ITSN2: variants seen among roughly 807,000 people sequenced by gnomAD.
The protein encoded by ITSN2 is intersectin-2.
A neutral mutation model predicts 243.7 loss-of-function variants in ITSN2; 156 were observed. That is an observed-to-expected ratio of 0.64 (90% CI 0.56 to 0.73). The LOEUF is 0.73. Ranked by LOEUF, ITSN2 falls within the 30% of genes least tolerant of loss-of-function variation. The pLI, the probability that ITSN2 is intolerant of heterozygous loss-of-function variation, is 0.00. For missense variants in ITSN2, 1,801 were observed against 1,996.1 expected (o/e 0.90, Z 1.86); for synonymous variants, 703 against 699.9 (o/e 1.00, Z -0.07).
intron 29 of ITSN2, chr2:24,239,046 C>T (rs940054570): frequency 5.2e-5 from 8 of 152,400 alleles, no homozygotes; most frequent in African/African-American, 1.9e-4. Flanking sequence ...ATCTCAATAC[C>T]TTTAATACTA....
rs558931486 is a variant in ITSN2 at position 24,249,097 on chromosome 2, C to T, written c.3121-215G>A. Reference sequence around the variant, plus strand: ...GTCTGCTAATGTAATACATTATATACGAGTGGCTGTCATCGTCAACCATTG... The same window carrying T: ...GTCTGCTAATGTAATACATTATATATGAGTGGCTGTCATCGTCAACCATTG... On this transcript the variant is annotated intron_variant, in intron 25 of 39. Transcript: ENST00000355123. The surrounding 1 kb of genome is among the most constrained non-coding windows in gnomAD (Gnocchi z 4.4). 1.3e-5 allele frequency among the ~76,000 whole-genome samples: 2 copies of T among 152,204 alleles called. No homozygotes were observed. The highest frequency in any genetic ancestry group is 1.9e-4 in the East Asian group (1 of 5,178).
chr2:24,348,354 T>C (rs1370309930), intron 1 of ITSN2, among the ~76,000 whole-genome samples: 1 of 152,014 alleles, frequency 6.6e-6, no homozygotes, highest in Non-Finnish European at 1.5e-5. Context: ...TTTTGTACTT[T>C]TTGTAGAGAC....
chr2:24,323,841 A>G (rs938154519), intron 2 of ITSN2, among the ~76,000 whole-genome samples: 3 of 152,218 alleles, frequency 2.0e-5, no homozygotes, highest in Non-Finnish European at 1.5e-5. Flanking sequence ...AAGAAGTCAG[A>G]GCATTCAAAT....
intron 8 of ITSN2, among the ~76,000 whole-genome samples, chr2:24,305,874 G>A (rs563426057): frequency 6.6e-6 from 1 of 152,240 alleles, no homozygotes; most frequent in South Asian, 2.1e-4. Flanking sequence ...CCCCACAGTT[G>A]GCTCCCCATT....
chr2:24,292,176 A>G (rs1680339083), intron 15 of ITSN2, among the ~76,000 whole-genome samples: 1 of 152,176 alleles, frequency 6.6e-6, no homozygotes, highest in African/African-American at 2.4e-5. Context: ...GCCCAAACAA[A>G]AGCTTCCTAT....
intron 1 of ITSN2, chr2:24,335,216 T>C (rs1686236878): frequency 6.2e-6 from 1 of 162,014 alleles, no homozygotes; most frequent in South Asian, 1.6e-4. Flanking sequence ...AAAATAATAA[T>C]TACAATTATC....
chr2:24,315,678 G>T (rs1010179584), intron 2 of ITSN2, among the ~76,000 whole-genome samples: 2 of 152,092 alleles, frequency 1.3e-5, no homozygotes, highest in Admixed American at 6.6e-5. Context: ...CTGGATCATG[G>T]GAGTTGATTT....
At chr2:24,354,322 T>C (rs1367669689) in intron 1 of ITSN2, among the ~76,000 whole-genome samples, 4 of 152,260 alleles carry the variant, frequency 2.6e-5, no homozygotes, top group Non-Finnish European at 4.4e-5. Flanking sequence ...CCCAGTGGGA[T>C]TGTGGGTCTG....
In ITSN2 at chr2:24,204,130, G is replaced by A; in HGVS notation, c.4936+115C>T. 1 of 1,029,442 alleles carries A rather than the reference G, an allele frequency of 9.7e-7. No individual in the cohort carries two copies. The highest frequency in any genetic ancestry group is 1.5e-6 in the Non-Finnish European group (1 of 685,112). 63.8% of individuals were successfully genotyped at this position (1,029,442 alleles called of 1,614,324 possible). On this transcript the variant is annotated intron_variant, in intron 39 of 39. Transcript: ENST00000355123. The surrounding 1 kb of genome is among the most constrained non-coding windows in gnomAD (Gnocchi z 5.1). ...TGCCAAAGCGAGATGACACAGGCCT[G>A]TGTCACTTCCCTGAAGTGGCATGGG...
At chr2:24,290,224 T>G (rs181590024) in intron 15 of ITSN2, among the ~76,000 whole-genome samples, 2 of 152,212 alleles carry the variant, frequency 1.3e-5, no homozygotes, top group African/African-American at 2.4e-5. Flanking sequence ...TATTGGATAT[T>G]ATCAATCTTT....
At chr2:24,325,233 ACC>A (rs1251866131) in intron 2 of ITSN2, among the ~76,000 whole-genome samples, 1 of 151,796 alleles carries the variant, frequency 6.6e-6, no homozygotes, top group Admixed American at 6.6e-5. Flanking sequence ...AGATAGTGAG[ACC>A]CCCATGTCTA....
intron 1 of ITSN2, among the ~76,000 whole-genome samples, chr2:24,331,510 T>C (rs1574340033): frequency 6.6e-6 from 1 of 152,230 alleles, no homozygotes; most frequent in Non-Finnish European, 1.5e-5. Context: ...CTTCTAGTTT[T>C]GAGAGAGTTC....
intron 2 of ITSN2, among the ~76,000 whole-genome samples, chr2:24,321,343 T>C (rs1684558998): frequency 6.6e-6 from 1 of 152,214 alleles, no homozygotes. Context: ...ACATAATTCC[T>C]GCTTGTATTG....
intron 1 of ITSN2, among the ~76,000 whole-genome samples, chr2:24,352,008 T>G (rs1285090312): frequency 1.3e-5 from 2 of 152,222 alleles, no homozygotes; most frequent in Non-Finnish European, 2.9e-5. Context: ...TCTGTGAAAT[T>G]GTTAACAGTA....
chr2:24,210,768 C>T lies in ITSN2; in HGVS notation c.4257+12G>A, dbSNP rs1669408101. ...TCCCTGGAGGCGCACGGCTTAACCA[C>T]ACAGGCCTGACCTCCGCGAGGCCTT... On this transcript the variant is annotated intron_variant, in intron 34 of 39. Coordinates refer to ENST00000355123, the MANE Select transcript of ITSN2 (RefSeq NM_006277.3). 6.2e-7 allele frequency: 1 copy of T among 1,612,104 alleles called. No homozygotes were observed. Among genetic ancestry groups the T allele is most frequent in the African/African-American group, 1.3e-5 (1 of 74,918 alleles).
intron 34 of ITSN2, chr2:24,210,271 A>C: frequency 2.0e-6 from 1 of 510,308 alleles, no homozygotes; most frequent in Non-Finnish European, 3.5e-6. Flanking sequence ...CTGAATTCAA[A>C]GAACTCAAAA....
At chr2:24,272,324 G>A (rs1558529772) in intron 18 of ITSN2, among the ~76,000 whole-genome samples, 1 of 151,658 alleles carries the variant, frequency 6.6e-6, no homozygotes. Flanking sequence ...GACAAGAACT[G>A]TCTTCCAGCT....
chr2:24,356,156 C>A (rs1322851920), intron 1 of ITSN2, among the ~76,000 whole-genome samples: 1 of 150,444 alleles, frequency 6.6e-6, no homozygotes, highest in Non-Finnish European at 1.5e-5. Context: ...GAGCCAAGAT[C>A]GCACCATTGC....
chr2:24,210,197 T>C (rs1298346487), intron 34 of ITSN2, 164 bp from the exon 35 acceptor site: 2 of 595,604 alleles, frequency 3.4e-6, no homozygotes, highest in Non-Finnish European at 6.0e-6. Flanking sequence ...TACATTACTC[T>C]TCAGAGTCCA....
Sources: allele counts gnomAD v4.1 joint callset (sites outside exome capture counted in the v4.1 genomes callset), GRCh38; gene constraint gnomAD v4.1.1; non-coding constraint Gnocchi (gnomAD v3.1); transcripts MANE v1.5; gene names NCBI Gene and HGNC (gene_info 2026-07-23, HGNC 2026-07-21).